The following VPS13A variants were observed in gnomAD, a reference collection of about 807,000 sequenced individuals.
The protein encoded by VPS13A is vacuolar protein sorting 13 homolog A.
Under a neutral mutation model 390.9 loss-of-function variants are expected in VPS13A, and 264 were observed. The observed-to-expected ratio is 0.68, with a 90% CI of 0.61 to 0.75. The LOEUF (loss-of-function observed/expected upper bound fraction) is 0.75. Among genes scored for constraint, VPS13A ranks in the 30% least tolerant of loss-of-function variants. VPS13A has a pLI of 0.00. For synonymous variants in VPS13A, 1,231 were observed against 1,227.1 expected, an observed-to-expected ratio of 1.00 and a Z score of -0.07; for missense variants, 3,409 against 3,733.9, an observed-to-expected ratio of 0.91 and a Z score of 2.27.
chr9:77,177,712 T>C lies in VPS13A; in HGVS notation c.8T>C (p.Phe3Ser). ...CCACCACGGCTGAGGAACATGGTTT[T>C]CGAGTCGGTGGTCGTGGACGTGTTG... Reference protein sequence around the residue: MVFESVVVDVLNR... With the variant: MVSESVVVDVLNR... The change falls in exon 1 of 72, where the codon TTC becomes TCC. Residue 3 changes from phenylalanine to serine, a missense_variant. Coordinates refer to ENST00000360280, the MANE Select transcript of VPS13A (RefSeq NM_033305.3). 6.2e-7 allele frequency: 1 copy of C among 1,613,384 alleles called. No individual in the cohort carries two copies. The highest frequency in any genetic ancestry group is 8.5e-7 in the Non-Finnish European group (1 of 1,179,582).
At chr9:77,404,151 A>C in intron 69 of VPS13A, among the ~76,000 whole-genome samples, 1 of 152,188 alleles carries the variant, frequency 6.6e-6, no homozygotes, top group Non-Finnish European at 1.5e-5. Flanking sequence ...TGTAAAAAGT[A>C]AGTCTTCATT....
At chr9:77,229,199 C>T (rs192351394) in intron 17 of VPS13A, among the ~76,000 whole-genome samples, 1 of 152,258 alleles carries the variant, frequency 6.6e-6, no homozygotes, top group East Asian at 1.9e-4. Flanking sequence ...CAGCTTCAGC[C>T]TCCTGAGTAG....
chr9:77,341,690 C>CTTTTTTTTTTT (rs1830821898), intron 50 of VPS13A, among the ~76,000 whole-genome samples: 6 of 23,562 alleles, frequency 2.5e-4, no homozygotes, highest in African/African-American at 7.6e-4. Context: ...GGACATCTTT[C>CTTTTTTTTTTT]CTTTTTTTTT....
At chr9:77,302,369 T>C (rs112767348) in intron 33 of VPS13A, among the ~76,000 whole-genome samples, 1,579 of 109,824 alleles carry the variant, frequency 0.014, 17 homozygotes, top group African/African-American at 0.065. Flanking sequence ...ATTTTTCCCC[T>C]TTTTTTTTTT....
intron 47 of VPS13A, chr9:77,339,054 A>C (rs757942803): frequency 6.8e-5 from 13 of 191,856 alleles, no homozygotes; most frequent in Non-Finnish European, 1.3e-4. Flanking sequence ...TAATATAAAC[A>C]GTGATTGGAA....
chr9:77,347,696 A>G (rs1483113426), intron 52 of VPS13A, among the ~76,000 whole-genome samples: 1 of 152,070 alleles, frequency 6.6e-6, no homozygotes. Context: ...TCTTTAGTAA[A>G]TCTCCCATTT....
chr9:77,288,380 A>G (rs917730792), intron 31 of VPS13A, among the ~76,000 whole-genome samples: 3 of 152,044 alleles, frequency 2.0e-5, no homozygotes, highest in African/African-American at 7.2e-5. Context: ...TGATTTGAGA[A>G]TGTCTTTCTG....
At chr9:77,256,497 G>A (rs1037681017) in intron 22 of VPS13A, among the ~76,000 whole-genome samples, 1 of 151,978 alleles carries the variant, frequency 6.6e-6, no homozygotes, top group Non-Finnish European at 1.5e-5. Flanking sequence ...TGTCATTTTA[G>A]TCCAGTTGGT....
chr9:77,353,861 C>T (rs890458552), intron 54 of VPS13A, among the ~76,000 whole-genome samples: 3 of 151,924 alleles, frequency 2.0e-5, no homozygotes, highest in African/African-American at 7.3e-5. Context: ...TATGTTAATC[C>T]TTCCACTTAT....
chr9:77,365,425 C>A (rs766908226), intron 59 of VPS13A, 35 bp from the exon 60 acceptor site: 56 of 1,366,124 alleles, frequency 4.1e-5, no homozygotes, highest in Non-Finnish European at 5.4e-5. Flanking sequence ...GCAGGTAGGT[C>A]CCTTTAGTTT....
intron 59 of VPS13A, 48 bp from the exon 60 acceptor site, chr9:77,365,412 C>T (rs1832378162): frequency 8.2e-7 from 1 of 1,214,818 alleles, no homozygotes; most frequent in Non-Finnish European, 1.2e-6. Context: ...TTAAATATCT[C>T]ATGCAGGTAG....
chr9:77,271,559 A>G (rs949290440), intron 23 of VPS13A, among the ~76,000 whole-genome samples: 4 of 152,144 alleles, frequency 2.6e-5, no homozygotes, highest in African/African-American at 4.8e-5. Flanking sequence ...ATAAAACCCA[A>G]TTGTCTATCC....
intron 21 of VPS13A, among the ~76,000 whole-genome samples, chr9:77,251,434 A>G (rs541298871): frequency 1.2e-4 from 18 of 152,344 alleles, no homozygotes; most frequent in Middle Eastern, 3.4e-3. Context: ...GAAACCAAAA[A>G]GATAAACCTT....
At chr9:77,258,462 C>T (rs1825575850) in intron 22 of VPS13A, among the ~76,000 whole-genome samples, 1 of 152,130 alleles carries the variant, frequency 6.6e-6, no homozygotes, top group Non-Finnish European at 1.5e-5. Flanking sequence ...CTCATAGTGA[C>T]TCTATCTACT....
chr9:77,196,165 C>G (rs987094955), intron 1 of VPS13A, among the ~76,000 whole-genome samples: 2 of 152,072 alleles, frequency 1.3e-5, no homozygotes, highest in Non-Finnish European at 2.9e-5. Flanking sequence ...AGATACCTTG[C>G]ATAACGTCAA....
chr9:77,356,300 T>C (rs1160887023), intron 54 of VPS13A, among the ~76,000 whole-genome samples: 2 of 152,092 alleles, frequency 1.3e-5, no homozygotes, highest in Non-Finnish European at 2.9e-5. Context: ...TCTCAATGAA[T>C]CCCCCATTGA....
At position 77,184,845 on chromosome 9, in the gene VPS13A, A is replaced by G. The variant is rs567593407; in HGVS notation, c.100+7041A>G. 4.6e-5 allele frequency among the ~76,000 whole-genome samples: 7 copies of G among 152,238 alleles called. No homozygotes were observed. In the East Asian group the frequency reaches 1.2e-3, roughly 25 times the overall value. On this transcript the variant is annotated intron_variant, in intron 1 of 71. Transcript: ENST00000360280. The stretch of plus-strand genomic sequence containing the variant: ...AGGGGTTTAGTTCCAAGACCTGTGC[A>G]GATACCAAAGTCCACAACAGGGAGG...
chr9:77,215,683 C>G (rs1822822913), intron 10 of VPS13A, among the ~76,000 whole-genome samples: 1 of 152,190 alleles, frequency 6.6e-6, no homozygotes, highest in Non-Finnish European at 1.5e-5. Flanking sequence ...TACCCTAGGG[C>G]TAAGACGGGG....
chr9:77,421,501 C>G lies in VPS13A; in HGVS notation c.*5495C>G, dbSNP rs758598455. ...TGGTAAGATGACTGCCCATTTTCACCATGTATACCTTTGTCAAATAAAGAT... is the reference window on the plus strand; with the variant it reads ...TGGTAAGATGACTGCCCATTTTCACGATGTATACCTTTGTCAAATAAAGAT... On this transcript the variant is annotated 3_prime_UTR_variant, in exon 72 of 72. Coordinates refer to ENST00000360280, the MANE Select transcript of VPS13A (RefSeq NM_033305.3). 17 of 152,082 alleles carry G rather than the reference C, an allele frequency of 1.1e-4. No homozygotes were observed. Among genetic ancestry groups the G allele is most frequent in the Admixed American group, 6.5e-5 (1 of 15,274 alleles). 9.4% of individuals were successfully genotyped at this position (152,082 alleles called of 1,614,324 possible). A position where few individuals can be genotyped will look rare whatever the true frequency, so the allele number is the denominator to read the frequency against.
Sources: allele counts gnomAD v4.1 joint callset (sites outside exome capture counted in the v4.1 genomes callset), GRCh38; gene constraint gnomAD v4.1.1; transcripts MANE v1.5; gene names NCBI Gene and HGNC (gene_info 2026-07-23, HGNC 2026-07-21).